Variants in DLG2 observed in about 807,000 individuals in gnomAD.
DLG2 encodes the protein disks large homolog 2.
A neutral mutation model predicts 132.5 loss-of-function variants in DLG2; 45 were observed. The observed-to-expected ratio is 0.34, with a 90% CI of 0.27 to 0.44. The LOEUF (loss-of-function observed/expected upper bound fraction) is 0.44. DLG2 is among the 20% of genes least tolerant of loss of function. DLG2 has a pLI of 1.00. For synonymous variants in DLG2, 424 were observed against 419.6 expected (o/e 1.01, Z -0.13); for missense variants, 1,045 against 1,196.9 (o/e 0.87, Z 1.87).
chr11:84,734,538 C>T (rs1352660465), intron 6 of DLG2, among the ~76,000 whole-genome samples: 1 of 152,270 alleles, frequency 6.6e-6, no homozygotes, highest in South Asian at 2.1e-4. Flanking sequence ...AGATTTTGGG[C>T]TGAGACGATG....
intron 15 of DLG2, among the ~76,000 whole-genome samples, chr11:83,919,217 A>C (rs1253520564): frequency 6.6e-6 from 1 of 152,188 alleles, no homozygotes; most frequent in African/African-American, 2.4e-5. Context: ...TTTATATTTC[A>C]CAGCTGCTTT....
chr11:83,565,115 T>C (rs1333339586), intron 19 of DLG2, among the ~76,000 whole-genome samples: 1 of 152,174 alleles, frequency 6.6e-6, no homozygotes, highest in Non-Finnish European at 1.5e-5. Flanking sequence ...GATAAGATAA[T>C]TGTATTTCTA....
chr11:84,785,002 T>C (rs1043155331), intron 6 of DLG2, among the ~76,000 whole-genome samples: 1 of 152,154 alleles, frequency 6.6e-6, no homozygotes, highest in South Asian at 2.1e-4. Flanking sequence ...GTTAATTAGC[T>C]AGATTTAATC....
At chr11:83,947,784 C>T (rs1311033911) in intron 14 of DLG2, among the ~76,000 whole-genome samples, 2 of 152,194 alleles carry the variant, frequency 1.3e-5, no homozygotes, top group Non-Finnish European at 1.5e-5. Flanking sequence ...TGAGCCCAGA[C>T]TCTTTTGAGT....
Position 83,657,699 on chromosome 11 carries a change from T to C in DLG2, c.1826-24374A>G, listed in dbSNP as rs1024770569. 7.9e-5 allele frequency among the ~76,000 whole-genome samples: 12 copies of C among 152,056 alleles called. No homozygotes were observed. In the South Asian group the frequency reaches 1.2e-3, roughly 16 times the overall value. ...GACTACAGGCACCCGCCACCATGCC[T>C]GGCTAATTTTTTTTGTATTTTTAGT... On this transcript the variant is annotated intron_variant, in intron 18 of 27. Transcript: ENST00000376104.
At chr11:84,583,483 G>GA (rs1323872130) in intron 6 of DLG2, among the ~76,000 whole-genome samples, 2 of 152,164 alleles carry the variant, frequency 1.3e-5, no homozygotes, top group Non-Finnish European at 2.9e-5. Context: ...GGTTAAGCCT[G>GA]AAAGAAAAAC....
chr11:85,172,907 C>CA lies in DLG2; in HGVS notation c.187-18257dup, dbSNP rs960808057. ...GACAATCTTTCTGAAATAAGACAGGCAAAAAAAATAGAGAGTAAAGAATGA... is the reference window on the plus strand; with the variant it reads ...GACAATCTTTCTGAAATAAGACAGGCAAAAAAAAATAGAGAGTAAAGAATGA... On this transcript the variant is annotated intron_variant, in intron 4 of 27. Coordinates refer to ENST00000376104, the MANE Select transcript of DLG2 (RefSeq NM_001142699.3). Among the ~76,000 whole-genome samples, 55 of 150,484 alleles carry CA rather than the reference C, an allele frequency of 3.7e-4. 1 individual carries two copies. Among genetic ancestry groups the CA allele is most frequent in the South Asian group, 1.0e-3 (5 of 4,770 alleles).
At chr11:85,005,915 T>G (rs1486478044) in intron 6 of DLG2, among the ~76,000 whole-genome samples, 1 of 152,228 alleles carries the variant, frequency 6.6e-6, no homozygotes, top group Non-Finnish European at 1.5e-5. Context: ...CCTAGTTCAT[T>G]GAGAGTTTTT....
chr11:85,279,768 G>A (rs2078118435), intron 4 of DLG2, among the ~76,000 whole-genome samples: 3 of 152,208 alleles, frequency 2.0e-5, no homozygotes, highest in Admixed American at 6.6e-5. Context: ...CCTCATAGGT[G>A]CATTCAAGAA....
intron 19 of DLG2, among the ~76,000 whole-genome samples, chr11:83,562,815 T>C (rs2096634692): frequency 6.6e-6 from 1 of 152,114 alleles, no homozygotes; most frequent in African/African-American, 2.4e-5. Flanking sequence ...AAGGATAAAC[T>C]AATATGGAAC....
At chr11:83,691,601 G>A (rs888279309) in intron 18 of DLG2, among the ~76,000 whole-genome samples, 21 of 152,098 alleles carry the variant, frequency 1.4e-4, no homozygotes, top group African/African-American at 4.1e-4. Flanking sequence ...CTTTCCCAAC[G>A]AACTTCAAAC....
intron 4 of DLG2, among the ~76,000 whole-genome samples, chr11:85,199,030 C>A (rs2081262705): frequency 6.6e-6 from 1 of 152,128 alleles, no homozygotes; most frequent in African/African-American, 2.4e-5. Flanking sequence ...TAAATATATG[C>A]CTATTTTAGG....
At chr11:83,462,778 G>C (rs2090274467) in intron 26 of DLG2, among the ~76,000 whole-genome samples, 2 of 152,080 alleles carry the variant, frequency 1.3e-5, no homozygotes, top group African/African-American at 4.8e-5. Flanking sequence ...ATTAAAATAT[G>C]ACATATACTC....
At chr11:85,177,997 TAGACTGAGAA>T (rs1485768161) in intron 4 of DLG2, among the ~76,000 whole-genome samples, 1 of 151,960 alleles carries the variant, frequency 6.6e-6, no homozygotes, top group Non-Finnish European at 1.5e-5. Context: ...AAGACAAAGG[TAGACTGAGAA>T]ATATTCTTCA....
intron 6 of DLG2, among the ~76,000 whole-genome samples, chr11:84,656,365 G>A (rs2099688266): frequency 6.6e-6 from 1 of 152,072 alleles, no homozygotes; most frequent in Non-Finnish European, 1.5e-5. Flanking sequence ...TAAAACATAG[G>A]TCTGCTTGCT....
intron 6 of DLG2, among the ~76,000 whole-genome samples, chr11:84,650,348 C>T (rs61899026): frequency 0.15 from 23,033 of 152,092 alleles, 2,199 homozygotes; most frequent in African/African-American, 0.27. Context: ...CTCTCTCTTT[C>T]GTTGTAGGTA....
chr11:84,867,847 G>A (rs1423898874), intron 6 of DLG2, among the ~76,000 whole-genome samples: 1 of 152,068 alleles, frequency 6.6e-6, no homozygotes, highest in Non-Finnish European at 1.5e-5. Context: ...GGCCAAGGCG[G>A]GTGGATCACG....
At chr11:84,861,645 A>C (rs1159590617) in intron 6 of DLG2, among the ~76,000 whole-genome samples, 2 of 140,042 alleles carry the variant, frequency 1.4e-5, no homozygotes, top group African/African-American at 5.1e-5. Context: ...AAAAACAAAA[A>C]AAAAAACCTA....
At chr11:85,013,141 T>A (rs612389) in intron 6 of DLG2, among the ~76,000 whole-genome samples, 2 of 152,108 alleles carry the variant, frequency 1.3e-5, no homozygotes, top group Non-Finnish European at 2.9e-5. Flanking sequence ...ACGTTTATCA[T>A]CCCTATTGAG....
Sources: gnomAD v4.1 joint callset for allele counts (sites outside exome capture counted in the v4.1 genomes callset) on GRCh38, gnomAD v4.1.1 for gene constraint, MANE v1.5 for transcripts, NCBI Gene and HGNC (gene_info 2026-07-23, HGNC 2026-07-21) for gene names.